Variants in GGA3 observed in about 807,000 individuals in gnomAD.
GGA3 encodes ADP-ribosylation factor-binding protein GGA3.
Under a neutral mutation model 77.5 loss-of-function variants are expected in GGA3, and 57 were observed. The observed-to-expected ratio is 0.74, with a 90% confidence interval of 0.59 to 0.92. The LOEUF is 0.92. Among genes scored for constraint, GGA3 ranks in the 40% least tolerant of loss-of-function variants. GGA3 has a pLI of 0.00. For missense variants in GGA3, 970 were observed against 914.9 expected (o/e 1.06, Z -0.78); for synonymous variants, 416 against 383.7 (o/e 1.08, Z -0.98).
rs759796114 is a variant in GGA3 at position 75,239,837 on chromosome 17, G to A, written c.1535C>T (p.Ala512Val). 3.0e-5 allele frequency: 48 copies of A among 1,613,876 alleles called. No homozygotes were observed. Among genetic ancestry groups the A allele is most frequent in the East Asian group, 8.9e-5 (4 of 44,900 alleles). ...ATCGAGGGCATCCAGGTGGTGCAGC[G>A]CGCTGTTGCCCAACGCCAAGCCATG... ...GHHGLALGNS[A>V]LHHLDALDQL... Residue 512 changes from alanine to valine, a missense_variant, in exon 13 of 17, where the codon GCG becomes GTG. Physicochemically the swap from Ala to Val is moderately conservative, Grantham distance 64. Transcript: ENST00000537686.
chr17:75,261,850 C>T, upstream of GGA3: 1 of 1,572,454 alleles, frequency 6.4e-7, no homozygotes, highest in Non-Finnish European at 8.6e-7. Context: ...TCCCGTCACT[C>T]GCTCAGGCGC....
intron 7 of GGA3, 53 bp downstream of exon 7, chr17:75,242,778 T>TG: frequency 7.2e-7 from 1 of 1,397,728 alleles, no homozygotes; most frequent in Non-Finnish European, 1.0e-6. Flanking sequence ...CGGCTTCTGC[T>TG]GTGTGGCCAT....
chr17:75,242,718 G>GT, intron 7 of GGA3, 113 bp downstream of exon 7: 1 of 992,134 alleles, frequency 1.0e-6, no homozygotes, highest in Admixed American at 1.8e-5. Context: ...GGCACAGGTA[G>GT]GGCAGCTGGC....
chr17:75,253,634 T>A (rs2077045321), intron 1 of GGA3, among the ~76,000 whole-genome samples: 1 of 152,252 alleles, frequency 6.6e-6, no homozygotes, highest in Non-Finnish European at 1.5e-5. Context: ...GTCCCGCTTT[T>A]CTAGGGGGCA....
intron 1 of GGA3, among the ~76,000 whole-genome samples, chr17:75,256,707 A>G (rs967600709): frequency 1.3e-4 from 20 of 151,958 alleles, no homozygotes; most frequent in East Asian, 1.9e-4. Context: ...CTGCTATTCT[A>G]CTACTCCTCA....
intron 1 of GGA3, among the ~76,000 whole-genome samples, chr17:75,254,098 T>C (rs2077061662): frequency 1.3e-5 from 2 of 152,166 alleles, no homozygotes; most frequent in Non-Finnish European, 2.9e-5. Flanking sequence ...CAAGTCTCTG[T>C]TCCCAATGCG....
In GGA3 at chr17:75,239,483, C is replaced by T. The variant is rs201862803; in HGVS notation, c.1672G>A (p.Gly558Ser). Residue 558 changes from glycine (G) to serine (S), a missense_variant, in exon 14 of 17, where the codon GGC (glycine) becomes AGC (serine). Physicochemically the swap from Gly to Ser is moderately conservative, Grantham distance 56. Coordinates refer to ENST00000537686, the MANE Select transcript of GGA3 (RefSeq NM_138619.4). ...RPLLPFSTGP[G>S]SPLFQPLSFQ... ...CTCAGTGGCTGGAAGAGCGGGCTGC[C>T]GGGCCCCGTGGAGAAGGGCAGGAGG... 3.2e-5 allele frequency: 50 copies of T among 1,579,902 alleles called. No homozygotes were observed. The highest frequency in any genetic ancestry group is 1.6e-4 in the East Asian group (7 of 44,396).
intron 1 of GGA3, among the ~76,000 whole-genome samples, chr17:75,249,384 T>A (rs1301063192): frequency 6.6e-6 from 1 of 152,154 alleles, no homozygotes; most frequent in African/African-American, 2.4e-5. Context: ...CTGTCTTCAA[T>A]CTTGAAAGAG....
At chr17:75,241,726 C>T (rs1276555291) in intron 8 of GGA3, 30 bp from the exon 9 acceptor site, 2 of 1,568,626 alleles carry the variant, frequency 1.3e-6, no homozygotes, top group Non-Finnish European at 1.8e-6. Flanking sequence ...AAAAATCAAA[C>T]CACAAAGGCC....
intron 1 of GGA3, among the ~76,000 whole-genome samples, chr17:75,258,865 C>T (rs2145608262): frequency 6.6e-6 from 1 of 150,976 alleles, no homozygotes; most frequent in Non-Finnish European, 1.5e-5. Context: ...TAATGGCTAG[C>T]TCAAATGGAG....
At chr17:75,250,250 G>A (rs868749237) in intron 1 of GGA3, among the ~76,000 whole-genome samples, 1 of 152,122 alleles carries the variant, frequency 6.6e-6, no homozygotes, top group African/African-American at 2.4e-5. Context: ...TTCCCGAACC[G>A]CCCCTCCGGG....
chr17:75,247,041 G>C (rs1012469457), intron 1 of GGA3, among the ~76,000 whole-genome samples: 1 of 152,028 alleles, frequency 6.6e-6, no homozygotes, highest in African/African-American at 2.4e-5. Flanking sequence ...AACAAATTCT[G>C]TCTCATGAAG....
At chr17:75,261,612 T>C (rs575681758), upstream of GGA3, 5 of 1,534,446 alleles carry the variant, frequency 3.3e-6, no homozygotes, top group African/African-American at 5.6e-5. Context: ...GCCCCGCGGC[T>C]TCAAAACTCG....
At chr17:75,240,674 C>T in intron 11 of GGA3, 138 bp downstream of exon 11, 5 of 1,028,142 alleles carry the variant, frequency 4.9e-6, no homozygotes, top group South Asian at 3.3e-5. Flanking sequence ...CGCTGAACTT[C>T]ACTGAGTACC....
rs2076606151 is a variant in GGA3, at chr17:75,242,756, T to C, written c.609+75A>G. On this transcript the variant is annotated intron_variant, in intron 7 of 16. Coordinates refer to ENST00000537686, the MANE Select transcript of GGA3 (RefSeq NM_138619.4). ...CAGGGGAGAACAAAACAGGCCCGTG[T>C]CCGGGGCAAAGCGGCTTCTGCTGTG... The C allele has an allele frequency of 5.5e-6, 7 of 1,262,206 alleles. No homozygotes were observed. The East Asian group carries it at 1.2e-4, about 21-fold the overall frequency. The allele number at this position is 1,262,206 out of a possible 1,614,324, so 78.2% of individuals were successfully genotyped here.
chr17:75,240,741 T>G, intron 11 of GGA3, 71 bp downstream of exon 11: 1 of 1,500,562 alleles, frequency 6.7e-7, no homozygotes. Flanking sequence ...CGCTCAGGGC[T>G]CCTAATTCCA....
intron 1 of GGA3, chr17:75,249,101 A>T: frequency 1.6e-6 from 1 of 630,262 alleles, no homozygotes; most frequent in Non-Finnish European, 2.0e-6. Flanking sequence ...GCTGGAGTGC[A>T]GTGGCGCGAT....
Position 75,241,596 on chromosome 17 carries a change from C to A in GGA3, c.829+19G>T, listed in dbSNP as rs1460887452. The A allele has an allele frequency of 1.2e-6, 2 of 1,612,026 alleles. No individual in the cohort carries two copies. Among genetic ancestry groups the A allele is most frequent in the Admixed American group, 3.3e-5 (2 of 59,998 alleles). Reference sequence around the variant, plus strand: ...ATCCAAATGCCTGGCTTATCCCTGACCGTCGCTCTTTCACTCACCCAAACT... The same window carrying A: ...ATCCAAATGCCTGGCTTATCCCTGAACGTCGCTCTTTCACTCACCCAAACT... On this transcript the variant is annotated intron_variant, in intron 9 of 16. Transcript: ENST00000537686.
chr17:75,247,226 C>T (rs4789157), intron 1 of GGA3, among the ~76,000 whole-genome samples: 129,651 of 151,998 alleles, frequency 0.85, 55,407 homozygotes, highest in East Asian at 0.94. Context: ...TGAAATCAGA[C>T]TGAACTAGAT....
Sources: gnomAD v4.1 joint callset for allele counts (sites outside exome capture counted in the v4.1 genomes callset) on GRCh38, gnomAD v4.1.1 for gene constraint, MANE v1.5 for transcripts, NCBI Gene and HGNC (gene_info 2026-07-23, HGNC 2026-07-21) for gene names.